HIVEP1: variants seen among roughly 807,000 people sequenced by gnomAD.
The protein encoded by HIVEP1 is HIVEP zinc finger 1.
In HIVEP1, 36 loss-of-function variants were observed where a neutral mutation model predicts 180.0. That is an observed-to-expected ratio of 0.20 (90% CI 0.15 to 0.26). HIVEP1 has a LOEUF of 0.26. HIVEP1 is among the 10% of genes least tolerant of loss of function. The probability of loss-of-function intolerance (pLI) is 1.00; values close to 1 mark genes in which losing one functional copy is unlikely to be tolerated. For missense variants in HIVEP1, 3,143 were observed against 3,268.7 expected (o/e 0.96, Z 0.94); for synonymous variants, 1,239 against 1,239.0 (o/e 1.00, Z 0.00).
chr6:12,131,618 T>C (rs191537355), intron 6 of HIVEP1, among the ~76,000 whole-genome samples: 112 of 151,902 alleles, frequency 7.4e-4, no homozygotes, highest in African/African-American at 2.6e-3. Flanking sequence ...TCTTGATACA[T>C]ATAATAGGTA....
At chr6:12,028,375 G>T (rs1292694751) in intron 2 of HIVEP1, among the ~76,000 whole-genome samples, 3 of 152,218 alleles carry the variant, frequency 2.0e-5, no homozygotes, top group Non-Finnish European at 4.4e-5. Context: ...AGTCTAGACA[G>T]CTGTATGAAT....
At chr6:12,051,963 A>C (rs531154169) in intron 2 of HIVEP1, among the ~76,000 whole-genome samples, 36 of 152,350 alleles carry the variant, frequency 2.4e-4, no homozygotes, top group Non-Finnish European at 4.0e-4. Flanking sequence ...TCCAGTTTCA[A>C]AATGAGTTTA....
At chr6:12,116,246 C>T (rs1775207425) in intron 3 of HIVEP1, among the ~76,000 whole-genome samples, 2 of 151,872 alleles carry the variant, frequency 1.3e-5, no homozygotes, top group African/African-American at 4.8e-5. Flanking sequence ...AAAACTATTC[C>T]AGGTATTTCA....
chr6:12,112,403 T>A (rs1343650823), intron 3 of HIVEP1, among the ~76,000 whole-genome samples: 1 of 152,226 alleles, frequency 6.6e-6, no homozygotes, highest in African/African-American at 2.4e-5. Flanking sequence ...GTATTTTTTT[T>A]ATTCTTTATG....
At chr6:12,069,796 A>G (rs1771847874) in intron 2 of HIVEP1, among the ~76,000 whole-genome samples, 1 of 152,008 alleles carries the variant, frequency 6.6e-6, no homozygotes, top group African/African-American at 2.4e-5. Flanking sequence ...GTAACTTTAT[A>G]ACCTTTTAAT....
At chr6:12,017,529 G>A (rs1262771788) in intron 2 of HIVEP1, among the ~76,000 whole-genome samples, 1 of 151,744 alleles carries the variant, frequency 6.6e-6, no homozygotes, top group African/African-American at 2.4e-5. Flanking sequence ...GGGGACCCAA[G>A]CAGTTGCAAC....
At chr6:12,136,149 G>A (rs1273064531) in intron 7 of HIVEP1, among the ~76,000 whole-genome samples, 3 of 151,876 alleles carry the variant, frequency 2.0e-5, no homozygotes, top group African/African-American at 4.8e-5. Context: ...GGTTCTCATC[G>A]GTTCCCATCT....
At chr6:12,141,691 CAAAAAAAAAAAAAA>C (rs60419579) in intron 7 of HIVEP1, among the ~76,000 whole-genome samples, 514 of 19,266 alleles carry the variant, frequency 0.027, 14 homozygotes, top group African/African-American at 0.043. Context: ...AAATGGAAAG[CAAAAAAAAAAAAAA>C]AAAAAAAAAA....
rs764260524 is a variant in HIVEP1 at position 12,124,792 on chromosome 6, A to G, written c.4997A>G (p.Asn1666Ser). The G allele has an allele frequency of 2.3e-5, 37 of 1,614,180 alleles. No individual in the cohort carries two copies. Among genetic ancestry groups the G allele is most frequent in the Non-Finnish European group, 3.0e-5 (35 of 1,180,026 alleles). Residue 1666 changes from asparagine (N) to serine (S), a missense_variant, in exon 4 of 9, where the codon AAT becomes AGT. This residue lies in a region of HIVEP1 where 1,357 missense variants were observed against 1,260.5 expected (regional missense o/e 1.08). Transcript: ENST00000379388. ...PQILVTQDLP[N>S]QPICQTNHSV... ...ATACTAGTGACCCAAGATCTGCCCA[A>G]TCAGCCAATTTGCCAGACTAATCAT...
intron 3 of HIVEP1, among the ~76,000 whole-genome samples, chr6:12,108,923 C>G (rs1442912065): frequency 2.0e-5 from 3 of 152,336 alleles, no homozygotes; most frequent in East Asian, 1.9e-4. Context: ...AGCGAGGGCT[C>G]TCAGGACTGC....
intron 2 of HIVEP1, among the ~76,000 whole-genome samples, chr6:12,051,001 C>T (rs868830200): frequency 3.1e-4 from 24 of 77,624 alleles, no homozygotes; most frequent in East Asian, 9.3e-4. Context: ...TACACAAGTG[C>T]ATATATATAT....
At chr6:12,081,723 G>A (rs1004795081) in intron 2 of HIVEP1, among the ~76,000 whole-genome samples, 1 of 152,198 alleles carries the variant, frequency 6.6e-6, no homozygotes, top group South Asian at 2.1e-4. Flanking sequence ...AAATCAAATA[G>A]TCAAAACTGT....
At chr6:12,107,075 T>G (rs963566097) in intron 3 of HIVEP1, among the ~76,000 whole-genome samples, 10 of 152,250 alleles carry the variant, frequency 6.6e-5, no homozygotes, top group Non-Finnish European at 1.3e-4. Flanking sequence ...TACTTTGTTT[T>G]AAAATTTAAG....
intron 3 of HIVEP1, among the ~76,000 whole-genome samples, chr6:12,111,756 T>C (rs1263623680): frequency 1.3e-5 from 2 of 152,224 alleles, no homozygotes; most frequent in Non-Finnish European, 2.9e-5. Context: ...GATTGTGTAA[T>C]TAAATTTGAA....
At chr6:12,109,883 C>T (rs779364538) in intron 3 of HIVEP1, among the ~76,000 whole-genome samples, 2 of 152,206 alleles carry the variant, frequency 1.3e-5, no homozygotes, top group Non-Finnish European at 2.9e-5. Flanking sequence ...CAGCTATCAC[C>T]TTATGAAATG....
At chr6:12,015,267 G>C (rs982932697) in intron 1 of HIVEP1, among the ~76,000 whole-genome samples, 17 of 152,134 alleles carry the variant, frequency 1.1e-4, no homozygotes, top group African/African-American at 4.1e-4. Flanking sequence ...TCCTGGTATT[G>C]TTGTTTTAAA....
chr6:12,100,915 AC>A (rs1450511418), intron 3 of HIVEP1, among the ~76,000 whole-genome samples: 11 of 152,204 alleles, frequency 7.2e-5, no homozygotes, highest in Non-Finnish European at 1.2e-4. Flanking sequence ...GCTGAAAAAA[AC>A]ATCAGAAATC....
intron 2 of HIVEP1, among the ~76,000 whole-genome samples, chr6:12,085,340 AG>A (rs570329138): frequency 7.6e-4 from 116 of 152,164 alleles, no homozygotes; most frequent in African/African-American, 2.7e-3. Flanking sequence ...AGGACAAAGC[AG>A]GGGTTAAGTC....
intron 2 of HIVEP1, among the ~76,000 whole-genome samples, chr6:12,055,677 A>AT (rs1193980283): frequency 6.6e-5 from 10 of 152,050 alleles, no homozygotes; most frequent in Non-Finnish European, 1.5e-4. Flanking sequence ...CTGAGCTGGA[A>AT]TTTTTTTCTA....
Sources: allele counts gnomAD v4.1 joint callset (sites outside exome capture counted in the v4.1 genomes callset), GRCh38; gene constraint gnomAD v4.1.1; regional missense constraint gnomAD v4.1.1; transcripts MANE v1.5; gene names NCBI Gene and HGNC (gene_info 2026-07-23, HGNC 2026-07-21).